Variants in CADPS2 observed in about 807,000 individuals in gnomAD.
CADPS2 encodes the protein calcium-dependent secretion activator 2.
In CADPS2, 93 loss-of-function variants were observed where a neutral mutation model predicts 172.5. The observed-to-expected ratio is 0.54, with a 90% CI of 0.46 to 0.64. The LOEUF is 0.64. Among genes scored for constraint, CADPS2 ranks in the 30% least tolerant of loss-of-function variants. The pLI, the probability that CADPS2 is intolerant of heterozygous loss-of-function variation, is 0.00. For missense variants in CADPS2, 1,420 were observed against 1,565.9 expected, an observed-to-expected ratio of 0.91 and a Z score of 1.57; for synonymous variants, 546 against 555.2, an observed-to-expected ratio of 0.98 and a Z score of 0.23.
intron 6 of CADPS2, among the ~76,000 whole-genome samples, chr7:122,606,654 G>C (rs972125727): frequency 6.6e-6 from 1 of 152,028 alleles, no homozygotes; most frequent in Non-Finnish European, 1.5e-5. Context: ...CCGACTGAGA[G>C]GCTTTTTTTA....
At chr7:122,715,572 A>G (rs2089474696) in intron 2 of CADPS2, among the ~76,000 whole-genome samples, 1 of 152,132 alleles carries the variant, frequency 6.6e-6, no homozygotes, top group Admixed American at 6.6e-5. Flanking sequence ...TCTGCTTTGA[A>G]TAAGGTCTGA....
chr7:122,666,047 A>G (rs1407708697), intron 2 of CADPS2, among the ~76,000 whole-genome samples: 2 of 151,878 alleles, frequency 1.3e-5, no homozygotes, highest in Non-Finnish European at 2.9e-5. Context: ...TCATCTAATC[A>G]CTCATTGAGC....
rs1479429345 is a variant in CADPS2, at chr7:122,663,556, C to T, written c.467G>A (p.Ser156Asn). The T allele has an allele frequency of 6.4e-7, 1 of 1,574,410 alleles. No individual in the cohort carries two copies. Among genetic ancestry groups the T allele is most frequent in the Non-Finnish European group, 8.6e-7 (1 of 1,158,628 alleles). ...CTGTACCATTCTGGCCACTCGGTCA[C>T]TCTTTAGAAAAACCTGAAAACAAAA... The part of the protein sequence containing the change: ...VRSYYEVFLK[S>N]DRVARMVQSG... The change falls in exon 3 of 30, where the codon AGT becomes AAT. Residue 156 changes from serine to asparagine, a missense_variant. Ser to Asn is a conservative substitution (Grantham distance 46, BLOSUM62 1). Transcript: ENST00000449022.
At chr7:122,437,796 A>C (rs897326704) in intron 17 of CADPS2, among the ~76,000 whole-genome samples, 1 of 140,998 alleles carries the variant, frequency 7.1e-6, no homozygotes, top group Non-Finnish European at 1.6e-5. Context: ...TAATGAATAA[A>C]GCCTGAAGAA....
At chr7:122,852,844 C>T (rs1435176318) in intron 1 of CADPS2, among the ~76,000 whole-genome samples, 1 of 152,138 alleles carries the variant, frequency 6.6e-6, no homozygotes, top group Admixed American at 6.5e-5. Flanking sequence ...CGGAATCCCT[C>T]TGACTACATA....
rs76943240 is a variant in CADPS2, at chr7:122,488,486, A to G, written c.1852+1595T>C. 3.9e-5 allele frequency among the ~76,000 whole-genome samples: 6 copies of G among 152,362 alleles called. No homozygotes were observed. In the East Asian group the frequency reaches 1.2e-3, roughly 29 times the overall value. On this transcript the variant is annotated intron_variant, in intron 11 of 29. Transcript: ENST00000449022. ...CTGATGAAAATGATGTAAGGAATTCATAGGTGTCTGGAGTTGATCCAAGGA... is the reference window on the plus strand; with the variant it reads ...CTGATGAAAATGATGTAAGGAATTCGTAGGTGTCTGGAGTTGATCCAAGGA...
intron 9 of CADPS2, among the ~76,000 whole-genome samples, chr7:122,497,942 A>C (rs1172850779): frequency 6.6e-6 from 1 of 152,114 alleles, no homozygotes; most frequent in Non-Finnish European, 1.5e-5. Flanking sequence ...ATGAAAGTTC[A>C]ACTGCAGTTC....
chr7:122,617,897 G>T (rs1156802419), intron 5 of CADPS2, among the ~76,000 whole-genome samples: 3 of 152,086 alleles, frequency 2.0e-5, no homozygotes, highest in African/African-American at 4.8e-5. Flanking sequence ...CAAAAAATTA[G>T]CCTGGCTTGG....
chr7:122,645,502 G>GTATATATATATACT (rs1227617647), intron 3 of CADPS2, among the ~76,000 whole-genome samples: 2 of 101,770 alleles, frequency 2.0e-5, no homozygotes, highest in Admixed American at 1.1e-4. Flanking sequence ...ATATATATAA[G>GTATATATATATACT]TATATATATA....
At chr7:122,771,404 T>C (rs2093700357) in intron 1 of CADPS2, among the ~76,000 whole-genome samples, 1 of 152,170 alleles carries the variant, frequency 6.6e-6, no homozygotes, top group Non-Finnish European at 1.5e-5. Flanking sequence ...CTACTATAAT[T>C]TGGCTATGGG....
At chr7:122,882,043 C>T (rs1410707266) in intron 1 of CADPS2, among the ~76,000 whole-genome samples, 9 of 151,998 alleles carry the variant, frequency 5.9e-5, no homozygotes, top group African/African-American at 1.7e-4. Flanking sequence ...ACCACTATGT[C>T]CAAAGGGAGA....
At chr7:122,601,994 A>C (rs1401106491) in intron 6 of CADPS2, among the ~76,000 whole-genome samples, 1 of 152,030 alleles carries the variant, frequency 6.6e-6, no homozygotes, top group Admixed American at 6.6e-5. Context: ...CTTACTAAAT[A>C]ACTTACTGAC....
chr7:122,644,975 G>T (rs2078143873), intron 3 of CADPS2, among the ~76,000 whole-genome samples: 1 of 151,962 alleles, frequency 6.6e-6, no homozygotes, highest in Non-Finnish European at 1.5e-5. Flanking sequence ...TCTTAAAAAT[G>T]CATTTCCCAA....
intron 12 of CADPS2, among the ~76,000 whole-genome samples, chr7:122,480,637 T>C (rs2057177151): frequency 1.3e-5 from 2 of 152,192 alleles, no homozygotes; most frequent in Non-Finnish European, 2.9e-5. Flanking sequence ...CTATTACCCT[T>C]GTGCCTGTAT....
chr7:122,884,769 G>C (rs1249930118), intron 1 of CADPS2, among the ~76,000 whole-genome samples: 1 of 152,188 alleles, frequency 6.6e-6, no homozygotes, highest in Non-Finnish European at 1.5e-5. Context: ...ATACACCTAT[G>C]AAACCACCAA....
chr7:122,447,413 G>T, intron 15 of CADPS2, among the ~76,000 whole-genome samples: 1 of 151,756 alleles, frequency 6.6e-6, no homozygotes. Context: ...AATCTACGTT[G>T]AAGCATTTTC....
chr7:122,460,965 C>T (rs200075872), intron 14 of CADPS2, among the ~76,000 whole-genome samples: 2 of 152,134 alleles, frequency 1.3e-5, no homozygotes, highest in African/African-American at 4.8e-5. Flanking sequence ...TTTGTTGGGA[C>T]AAGCCACACT....
intron 1 of CADPS2, among the ~76,000 whole-genome samples, chr7:122,767,315 T>G (rs1272335136): frequency 6.6e-6 from 1 of 152,138 alleles, no homozygotes; most frequent in African/African-American, 2.4e-5. Context: ...ATATTAAAGG[T>G]GAGAACACAT....
chr7:122,623,772 T>A lies in CADPS2; in HGVS notation c.868-2055A>T, dbSNP rs1236633709. ...ATTGTGTGTCCATTTTATATTTATA[T>A]GAAAATCACAATTCTACCCCTAAAA... is the stretch of plus-strand genomic sequence containing the variant. On this transcript the variant is annotated intron_variant, in intron 4 of 29. Coordinates refer to ENST00000449022, the MANE Select transcript of CADPS2 (RefSeq NM_017954.11). Among the ~76,000 whole-genome samples, 16 of 152,184 alleles carry A rather than the reference T, an allele frequency of 1.1e-4. 1 individual carries two copies. The highest frequency in any genetic ancestry group is 1.8e-4 in the Non-Finnish European group (12 of 68,034).
Sources: gnomAD v4.1 joint callset for allele counts (sites outside exome capture counted in the v4.1 genomes callset) on GRCh38, gnomAD v4.1.1 for gene constraint, MANE v1.5 for transcripts, NCBI Gene and HGNC (gene_info 2026-07-23, HGNC 2026-07-21) for gene names.